The following ZNF254 variants were observed in gnomAD, a reference collection of about 807,000 sequenced individuals.
The protein encoded by ZNF254 is CTD-2017D11.1.
ZNF254 carries 10 observed loss-of-function variants against 12.4 expected under a neutral mutation model. The observed-to-expected ratio is 0.80, with a 90% CI of 0.50 to 1.36. ZNF254 has a LOEUF of 1.36. Ranked by LOEUF, ZNF254 falls within the 40% of genes most tolerant of loss-of-function variation. ZNF254 has a pLI of 0.00. For missense variants in ZNF254, 996 were observed against 763.9 expected (o/e 1.30, Z -3.58); for synonymous variants, 305 against 253.4 (o/e 1.20, Z -1.93).
chr19:24,052,833 C>G (rs868378445), intron 2 of ZNF254, among the ~76,000 whole-genome samples: 86 of 152,282 alleles, frequency 5.6e-4, no homozygotes, highest in Admixed American at 1.2e-3. Context: ...CAATATGACT[C>G]TCATACCTCT....
chr19:24,093,357 A>T (rs1369659267), intron 1 of ZNF254, among the ~76,000 whole-genome samples: 1 of 152,070 alleles, frequency 6.6e-6, no homozygotes, highest in African/African-American at 2.4e-5. Context: ...TCAATTATGA[A>T]TTCTCTGCTA....
upstream of ZNF254, chr19:24,087,141 AG>A: frequency 2.6e-6 from 2 of 779,434 alleles, no homozygotes; most frequent in Admixed American, 2.4e-5. Flanking sequence ...CTGTCCAATC[AG>A]GCACACAGCT....
intron 1 of ZNF254, among the ~76,000 whole-genome samples, chr19:24,097,438 C>T (rs563015599): frequency 4.6e-4 from 70 of 152,072 alleles, no homozygotes; most frequent in Non-Finnish European, 8.1e-4. Flanking sequence ...ACCTGATTAT[C>T]CATGGTGATC....
chr19:24,091,802 G>T, intron 1 of ZNF254: 1 of 975,424 alleles, frequency 1.0e-6, no homozygotes, highest in Non-Finnish European at 1.2e-6. Flanking sequence ...CCTATATCCT[G>T]TTATTTTGAT....
At chr19:24,034,140 A>ACAAAAC (rs1969868836) in intron 1 of ZNF254, among the ~76,000 whole-genome samples, 1 of 152,096 alleles carries the variant, frequency 6.6e-6, no homozygotes, top group Non-Finnish European at 1.5e-5. Context: ...TATTTCTAGT[A>ACAAAAC]GAGAAGTGGT....
At chr19:24,060,565 C>T (rs1971028251) in intron 2 of ZNF254, among the ~76,000 whole-genome samples, 2 of 152,142 alleles carry the variant, frequency 1.3e-5, no homozygotes, top group Admixed American at 1.3e-4. Flanking sequence ...AGCTTGTGAC[C>T]TATCTCTGGG....
At chr19:24,101,076 C>T (rs944544334) in intron 1 of ZNF254, among the ~76,000 whole-genome samples, 14 of 152,140 alleles carry the variant, frequency 9.2e-5, no homozygotes, top group South Asian at 2.1e-4. Context: ...ATCCTTCGAC[C>T]TCAGGGGATC....
At chr19:24,083,419 T>C (rs1971918947), upstream of ZNF254, among the ~76,000 whole-genome samples, 4 of 152,128 alleles carry the variant, frequency 2.6e-5, no homozygotes, top group South Asian at 8.3e-4. Context: ...ATACAATTCC[T>C]ATGAAAATAA....
chr19:24,117,877 TTCTA>T (rs1263504221), intron 3 of ZNF254, among the ~76,000 whole-genome samples: 3 of 152,048 alleles, frequency 2.0e-5, no homozygotes. Context: ...TCATATTCCA[TTCTA>T]TCATACATGT....
upstream of ZNF254, among the ~76,000 whole-genome samples, chr19:24,084,005 A>G (rs1971940049): frequency 4.6e-5 from 7 of 152,054 alleles, no homozygotes; most frequent in South Asian, 1.5e-3. Flanking sequence ...GGTGAAAAAT[A>G]AGTCATTATA....
At chr19:24,085,427 A>ATATAT (rs1369362234), upstream of ZNF254, among the ~76,000 whole-genome samples, 259 of 42,440 alleles carry the variant, frequency 6.1e-3, 23 homozygotes, top group African/African-American at 0.019. Context: ...TATATATATA[A>ATATAT]AAACTAAGAT....
intron 2 of ZNF254, among the ~76,000 whole-genome samples, chr19:24,075,885 G>A (rs979136359): frequency 2.6e-5 from 4 of 152,150 alleles, no homozygotes; most frequent in Admixed American, 6.5e-5. Flanking sequence ...GCATTATTTT[G>A]CCAGGCCTGT....
At chr19:24,037,712 C>T (rs1488824309) in intron 1 of ZNF254, among the ~76,000 whole-genome samples, 2 of 152,142 alleles carry the variant, frequency 1.3e-5, no homozygotes, top group African/African-American at 4.8e-5. Flanking sequence ...CAGGTTCAAG[C>T]GATTCTCCTG....
intron 1 of ZNF254, among the ~76,000 whole-genome samples, chr19:24,038,798 G>GGT (rs1970056058): frequency 6.6e-6 from 1 of 151,954 alleles, no homozygotes; most frequent in Non-Finnish European, 1.5e-5. Flanking sequence ...AGATTTCTAC[G>GGT]AAAATTACTA....
At chr19:24,097,179 T>A (rs564647230) in intron 1 of ZNF254, among the ~76,000 whole-genome samples, 2 of 152,326 alleles carry the variant, frequency 1.3e-5, no homozygotes, top group Non-Finnish European at 2.9e-5. Context: ...TTAATTGCTC[T>A]TTTTTTGCTT....
chr19:24,123,367 A>G (rs1036956945), intron 3 of ZNF254, among the ~76,000 whole-genome samples: 4 of 152,162 alleles, frequency 2.6e-5, no homozygotes, highest in African/African-American at 9.7e-5. Context: ...ATTGAGAAAG[A>G]GGTGTATTCT....
intron 1 of ZNF254, among the ~76,000 whole-genome samples, chr19:24,043,885 T>C (rs1276053745): frequency 6.6e-6 from 1 of 152,206 alleles, no homozygotes; most frequent in African/African-American, 2.4e-5. Flanking sequence ...TTTACAGTTA[T>C]CTCTGTATAT....
At chr19:24,115,390 T>A (rs1028720683) in intron 3 of ZNF254, among the ~76,000 whole-genome samples, 4 of 152,014 alleles carry the variant, frequency 2.6e-5, no homozygotes, top group African/African-American at 9.6e-5. Flanking sequence ...ATGGATGAAA[T>A]TGGAAATCAT....
intron 2 of ZNF254, among the ~76,000 whole-genome samples, chr19:24,050,494 C>G (rs2145303585): frequency 6.6e-6 from 1 of 152,316 alleles, no homozygotes; most frequent in Admixed American, 6.5e-5. Context: ...TTCTCTCTTA[C>G]CTGGACATTG....
Sources: gnomAD v4.1 joint callset for allele counts (sites outside exome capture counted in the v4.1 genomes callset) on GRCh38, gnomAD v4.1.1 for gene constraint, MANE v1.5 for transcripts, NCBI Gene and HGNC (gene_info 2026-07-23, HGNC 2026-07-21) for gene names.